ILDR2: variants seen among roughly 807,000 people sequenced by gnomAD.
ILDR2 encodes immunoglobulin-like domain-containing receptor 2.
Under a neutral mutation model 66.8 loss-of-function variants are expected in ILDR2, and 25 were observed. The observed-to-expected ratio is 0.37, with a 90% CI of 0.27 to 0.52. The LOEUF is 0.52. Ranked by LOEUF, ILDR2 falls within the 20% of genes least tolerant of loss-of-function variation. The pLI, the probability that ILDR2 is intolerant of heterozygous loss-of-function variation, is 0.88. For missense variants in ILDR2, 827 were observed against 876.8 expected (o/e 0.94, Z 0.72); for synonymous variants, 367 against 357.2 (o/e 1.03, Z -0.31).
chr1:166,953,682 A>C (rs562067776), intron 3 of ILDR2, among the ~76,000 whole-genome samples: 1 of 152,300 alleles, frequency 6.6e-6, no homozygotes, highest in South Asian at 2.1e-4. Flanking sequence ...TCTTGTAACC[A>C]ATCTGTTACT....
At chr1:166,933,648 T>C (rs1476865104) in intron 6 of ILDR2, 2 of 507,316 alleles carry the variant, frequency 3.9e-6, no homozygotes, top group East Asian at 3.0e-4. Context: ...AGAACAGTTT[T>C]ATTAGATAAT....
intron 6 of ILDR2, among the ~76,000 whole-genome samples, chr1:166,927,616 C>T (rs1479953111): frequency 2.6e-5 from 4 of 152,230 alleles, no homozygotes; most frequent in Non-Finnish European, 5.9e-5. Flanking sequence ...AGGTAACTTA[C>T]AGATACTCAA....
At chr1:166,971,966 C>T (rs1663323810) in intron 1 of ILDR2, among the ~76,000 whole-genome samples, 1 of 152,122 alleles carries the variant, frequency 6.6e-6, no homozygotes, top group African/African-American at 2.4e-5. Flanking sequence ...AATCCCAGCA[C>T]TTTGGAAGGC....
At chr1:166,957,017 A>C (rs1211167937) in intron 2 of ILDR2, among the ~76,000 whole-genome samples, 165 bp from the exon 3 acceptor site, 1 of 152,200 alleles carries the variant, frequency 6.6e-6, no homozygotes, top group African/African-American at 2.4e-5. Flanking sequence ...AAAACAAACA[A>C]ACAAGACCAA....
chr1:166,931,926 T>G (rs1478314753), intron 6 of ILDR2, among the ~76,000 whole-genome samples: 1 of 152,058 alleles, frequency 6.6e-6, no homozygotes, highest in Non-Finnish European at 1.5e-5. Flanking sequence ...AACACCCAGG[T>G]GGAGATGTCC....
chr1:166,916,825 T>C lies in ILDR2; in HGVS notation c.*2530A>G, dbSNP rs569721622. The C allele has an allele frequency of 1.4e-4, 21 of 152,348 alleles. No individual in the cohort carries two copies. The highest frequency in any genetic ancestry group is 4.4e-5 in the Non-Finnish European group (3 of 68,036). The allele number at this position is 152,348 out of a possible 1,614,324, so 9.4% of individuals were successfully genotyped here. A position where few individuals can be genotyped will look rare whatever the true frequency, so the allele number is the denominator to read the frequency against. ...GTCTTTGGAATTGCAGGTTTCCAAT[T>C]TTAATAATTCTTTCTTTCCCATTGC... On this transcript the variant is annotated 3_prime_UTR_variant, in exon 10 of 10. Transcript: ENST00000271417.
chr1:166,962,745 G>T (rs1396657840), intron 1 of ILDR2, among the ~76,000 whole-genome samples: 3 of 152,076 alleles, frequency 2.0e-5, no homozygotes, highest in Non-Finnish European at 4.4e-5. Context: ...CTACTTGTCA[G>T]ATGCCAAAAA....
At chr1:166,929,161 G>C (rs1660480502) in intron 6 of ILDR2, among the ~76,000 whole-genome samples, 1 of 152,186 alleles carries the variant, frequency 6.6e-6, no homozygotes, top group Non-Finnish European at 1.5e-5. Context: ...GTAGGACTCA[G>C]TTTTCATGTC....
chr1:166,923,259 T>C (rs756259360), intron 7 of ILDR2, among the ~76,000 whole-genome samples: 4 of 152,232 alleles, frequency 2.6e-5, no homozygotes, highest in Admixed American at 2.6e-4. Context: ...TCTTCCTTAC[T>C]GCTGGCCCAG....
At chr1:166,959,558 A>T (rs989336375) in intron 1 of ILDR2, among the ~76,000 whole-genome samples, 1 of 152,240 alleles carries the variant, frequency 6.6e-6, no homozygotes, top group African/African-American at 2.4e-5. Flanking sequence ...GCTTTGAAGG[A>T]TAATCAAAAG....
At chr1:166,896,055 C>A (rs1281582947) in exon 3 of ILDR2, 2 of 152,186 alleles carry the variant, frequency 1.3e-5, no homozygotes, top group Admixed American at 1.3e-4. Context: ...TGCTTCAGGG[C>A]AGACAAGTGA....
At chr1:166,973,297 C>G (rs1273936758) in intron 1 of ILDR2, among the ~76,000 whole-genome samples, 4 of 152,110 alleles carry the variant, frequency 2.6e-5, no homozygotes, top group African/African-American at 9.7e-5. Flanking sequence ...AGCAAAAAGC[C>G]CAGAGAGGCA....
chr1:166,941,813 A>G lies in ILDR2; in HGVS notation c.500-2243T>C, dbSNP rs537516607. On this transcript the variant is annotated intron_variant, in intron 3 of 9. Coordinates refer to ENST00000271417, the MANE Select transcript of ILDR2 (RefSeq NM_199351.3). ...CTCTGGATATGCTATGATCCAAATC[A>G]TTACTTAAATTCATGATAGAAATGT... 5.3e-5 allele frequency among the ~76,000 whole-genome samples: 8 copies of G among 152,336 alleles called. No homozygotes were observed. In the South Asian group the frequency reaches 1.7e-3, roughly 32 times the overall value.
In ILDR2 at chr1:166,900,883, T is replaced by C. The variant is rs550774456; in HGVS notation, n.172-4782A>G. ...CTTTTATATTAAAACTCCAGTTTAT[T>C]TCTAAGGTTAAATGAAAAATTGCTT... On this transcript the variant is annotated intron_variant and non_coding_transcript_variant, in intron 2 of 2. Coordinates refer to the ILDR2 transcript ENST00000414590. Among the ~76,000 whole-genome samples the C allele has an allele frequency of 9.0e-4, 137 of 152,348 alleles. 4 individuals carry two copies. In the South Asian group the frequency reaches 0.027, roughly 30 times the overall value.
chr1:166,922,145 T>G (rs140312234), intron 8 of ILDR2, among the ~76,000 whole-genome samples: 16 of 152,214 alleles, frequency 1.1e-4, no homozygotes, highest in Non-Finnish European at 2.4e-4. Flanking sequence ...TGGCCAGGCA[T>G]GATGGCTCAT....
At chr1:166,951,503 A>T (rs759175023) in intron 3 of ILDR2, among the ~76,000 whole-genome samples, 3 of 152,232 alleles carry the variant, frequency 2.0e-5, no homozygotes, top group Non-Finnish European at 4.4e-5. Flanking sequence ...TCTATCCCTT[A>T]CAATAAAAGA....
intron 3 of ILDR2, among the ~76,000 whole-genome samples, chr1:166,940,456 G>T (rs1288979911): frequency 6.6e-6 from 1 of 152,166 alleles, no homozygotes; most frequent in Non-Finnish European, 1.5e-5. Context: ...TAAACTAGTA[G>T]TACCATAAAC....
At chr1:166,973,576 C>A (rs1389456111) in intron 1 of ILDR2, among the ~76,000 whole-genome samples, 2 of 144,164 alleles carry the variant, frequency 1.4e-5, no homozygotes, top group Non-Finnish European at 3.0e-5. Flanking sequence ...CAGACCCCAG[C>A]GTGTCTGTAA....
At chr1:166,905,491 G>C (rs535056849), downstream of ILDR2, among the ~76,000 whole-genome samples, 27 of 152,196 alleles carry the variant, frequency 1.8e-4, no homozygotes, top group Non-Finnish European at 2.9e-4. Flanking sequence ...ATGGTGGAGA[G>C]GGAGCAGACC....
Sources: gnomAD v4.1 joint callset for allele counts (sites outside exome capture counted in the v4.1 genomes callset) on GRCh38, gnomAD v4.1.1 for gene constraint, MANE v1.5 for transcripts, NCBI Gene and HGNC (gene_info 2026-07-23, HGNC 2026-07-21) for gene names.